The following STX8 variants were observed in gnomAD, a reference collection of about 807,000 sequenced individuals.
The protein encoded by STX8 is syntaxin 8.
STX8 carries 23 observed loss-of-function variants against 37.5 expected under a neutral mutation model. That is an observed-to-expected ratio of 0.61 (90% CI 0.44 to 0.87). The LOEUF (loss-of-function observed/expected upper bound fraction) is 0.87. Ranked by LOEUF, STX8 falls within the 40% of genes least tolerant of loss-of-function variation. STX8 has a pLI of 0.00. For missense variants in STX8, 313 were observed against 284.7 expected (o/e 1.10, Z -0.71); for synonymous variants, 115 against 99.1 (o/e 1.16, Z -0.95).
At chr17:9,468,641 C>T (rs1406570326) in intron 6 of STX8, among the ~76,000 whole-genome samples, 1 of 152,190 alleles carries the variant, frequency 6.6e-6, no homozygotes, top group Non-Finnish European at 1.5e-5. Flanking sequence ...GCCTTTCTGC[C>T]TCAGCTGCTG....
intron 7 of STX8, among the ~76,000 whole-genome samples, chr17:9,260,287 C>A (rs529917503): frequency 6.6e-6 from 1 of 152,016 alleles, no homozygotes; most frequent in Non-Finnish European, 1.5e-5. Context: ...TGCACCACTG[C>A]ACCTCAGCCT....
At chr17:9,473,162 G>A (rs749995602) in intron 6 of STX8, among the ~76,000 whole-genome samples, 116 of 151,972 alleles carry the variant, frequency 7.6e-4, no homozygotes, top group Non-Finnish European at 3.5e-4. Flanking sequence ...GACTACAGGT[G>A]CCCACCACCA....
chr17:9,364,732 C>A (rs1294328809), intron 7 of STX8, among the ~76,000 whole-genome samples: 1 of 152,020 alleles, frequency 6.6e-6, no homozygotes, highest in Non-Finnish European at 1.5e-5. Flanking sequence ...TGGGGTTCCA[C>A]CATGGTGGCC....
Position 9,359,502 on chromosome 17 carries a change from TA to T in STX8, c.643+19049del, listed in dbSNP as rs35490238. On this transcript the variant is annotated intron_variant, in intron 7 of 7. Transcript: ENST00000306357. The stretch of plus-strand genomic sequence containing the variant: ...CCTGGTATTCCACAATGCTGAGACA[TA>T]TTTTTTTTTTTTTTTTTTTTTTGGG... Among the ~76,000 whole-genome samples, 1,153 of 119,128 alleles carry T rather than the reference TA, an allele frequency of 9.7e-3. 8 individuals are homozygous for T. The highest frequency in any genetic ancestry group is 0.018 in the African/African-American group (582 of 32,606). The allele number at this position is 119,128 out of a possible 152,430, so 78.2% of individuals were successfully genotyped here.
intron 4 of STX8, among the ~76,000 whole-genome samples, chr17:9,512,611 C>T (rs1011420519): frequency 1.8e-4 from 27 of 152,074 alleles, no homozygotes; most frequent in South Asian, 2.1e-4. Context: ...TACAGGCACA[C>T]GCCACCACAC....
intron 4 of STX8, among the ~76,000 whole-genome samples, chr17:9,538,083 T>G (rs1394062933): frequency 6.6e-6 from 1 of 152,212 alleles, no homozygotes; most frequent in African/African-American, 2.4e-5. Context: ...CCTTACCTAT[T>G]TTTCATTAAA....
intron 1 of STX8, among the ~76,000 whole-genome samples, 160 bp downstream of exon 1, chr17:9,575,632 G>A (rs1473933356): frequency 6.6e-6 from 1 of 152,168 alleles, no homozygotes; most frequent in Non-Finnish European, 1.5e-5. Context: ...ACCAAGTGTG[G>A]CGGGATGTGG....
chr17:9,556,664 A>G (rs1188536294), intron 3 of STX8, among the ~76,000 whole-genome samples: 1 of 149,406 alleles, frequency 6.7e-6, no homozygotes, highest in Non-Finnish European at 1.5e-5. Flanking sequence ...CTGGTCTCGA[A>G]CTCCTGGCCT....
intron 6 of STX8, among the ~76,000 whole-genome samples, chr17:9,455,652 T>A (rs1905166676): frequency 6.6e-6 from 1 of 152,156 alleles, no homozygotes. Flanking sequence ...TAAGAATTTT[T>A]AAAAAACTGA....
intron 7 of STX8, among the ~76,000 whole-genome samples, chr17:9,333,662 T>C (rs1288414057): frequency 6.6e-6 from 1 of 152,250 alleles, no homozygotes; most frequent in Non-Finnish European, 1.5e-5. Flanking sequence ...GTGCTCGGAT[T>C]ACAGGCGTGA....
intron 6 of STX8, among the ~76,000 whole-genome samples, chr17:9,456,461 C>T (rs1214872839): frequency 5.3e-5 from 8 of 152,194 alleles, no homozygotes; most frequent in Non-Finnish European, 7.3e-5. Context: ...AACAGCTGTC[C>T]GGTGATAACC....
At chr17:9,285,115 T>TGA (rs1283642683) in intron 7 of STX8, among the ~76,000 whole-genome samples, 7 of 152,134 alleles carry the variant, frequency 4.6e-5, no homozygotes, top group African/African-American at 1.7e-4. Context: ...GAGCATCGTG[T>TGA]GATTCTTATC....
At chr17:9,267,404 A>G (rs1597573510) in intron 7 of STX8, among the ~76,000 whole-genome samples, 2 of 152,158 alleles carry the variant, frequency 1.3e-5, no homozygotes, top group African/African-American at 2.4e-5. Context: ...CTGATCTCCA[A>G]TCTTTGGATA....
intron 7 of STX8, among the ~76,000 whole-genome samples, chr17:9,265,889 G>A (rs1024409969): frequency 1.3e-5 from 2 of 152,142 alleles, no homozygotes; most frequent in Admixed American, 6.5e-5. Flanking sequence ...ACTAGAAGGC[G>A]GTAAGTGCTA....
At chr17:9,536,746 TA>T (rs1014268188) in intron 4 of STX8, among the ~76,000 whole-genome samples, 29 of 129,180 alleles carry the variant, frequency 2.2e-4, no homozygotes, top group African/African-American at 1.0e-3. Context: ...GGCTTATTAT[TA>T]TTTTTTTTTT....
intron 4 of STX8, among the ~76,000 whole-genome samples, chr17:9,532,247 A>T (rs1278693192): frequency 1.3e-5 from 2 of 152,106 alleles, no homozygotes; most frequent in Non-Finnish European, 2.9e-5. Context: ...TAACCTAAAA[A>T]CTTCGAATAG....
chr17:9,574,950 G>C (rs539728302), intron 1 of STX8, among the ~76,000 whole-genome samples: 10 of 152,086 alleles, frequency 6.6e-5, no homozygotes, highest in Non-Finnish European at 1.5e-4. Flanking sequence ...CCAGGATGTG[G>C]GCAACTTAAA....
intron 4 of STX8, among the ~76,000 whole-genome samples, chr17:9,510,081 T>C (rs1904973455): frequency 6.6e-6 from 1 of 152,176 alleles, no homozygotes; most frequent in African/African-American, 2.4e-5. Context: ...CAAGAGAATG[T>C]AACAACTGTA....
chr17:9,284,161 T>C (rs1907991967), intron 7 of STX8, among the ~76,000 whole-genome samples: 1 of 152,184 alleles, frequency 6.6e-6, no homozygotes, highest in Non-Finnish European at 1.5e-5. Flanking sequence ...ACTTAATTTT[T>C]CCATCAACTA....
Sources: allele counts gnomAD v4.1 joint callset (sites outside exome capture counted in the v4.1 genomes callset), GRCh38; gene constraint gnomAD v4.1.1; transcripts MANE v1.5; gene names NCBI Gene and HGNC (gene_info 2026-07-23, HGNC 2026-07-21).